ABCD2: variants seen among roughly 807,000 people sequenced by gnomAD.
The protein encoded by ABCD2 is ATP-binding cassette sub-family D member 2.
Under a neutral mutation model 70.9 loss-of-function variants are expected in ABCD2, and 36 were observed. The ratio of observed to expected loss-of-function variants is 0.51; its 90% CI spans 0.39 to 0.67. The LOEUF is 0.67. Among genes scored for constraint, ABCD2 ranks in the 30% least tolerant of loss-of-function variants. The pLI is 0.00. For synonymous variants in ABCD2, 304 were observed against 306.9 expected (o/e 0.99, Z 0.10); for missense variants, 729 against 890.2 (o/e 0.82, Z 2.30).
At chr12:39,582,026 G>C (rs1413749993) in intron 7 of ABCD2, among the ~76,000 whole-genome samples, 1 of 152,128 alleles carries the variant, frequency 6.6e-6, no homozygotes, top group Non-Finnish European at 1.5e-5. Context: ...ACCAACCAAA[G>C]GATTAGCTAG....
At chr12:39,608,341 T>G (rs1941998577) in intron 2 of ABCD2, among the ~76,000 whole-genome samples, 1 of 152,184 alleles carries the variant, frequency 6.6e-6, no homozygotes. Context: ...TCATTTAGCA[T>G]TCTTTCAACC....
the ABCD2 span, among the ~76,000 whole-genome samples, chr12:39,537,563 T>G: frequency 1.3e-5 from 2 of 152,212 alleles, no homozygotes; most frequent in Non-Finnish European, 2.9e-5. Flanking sequence ...AGCAATCTGG[T>G]CCTCCAGGGA....
intron 9 of ABCD2, among the ~76,000 whole-genome samples, chr12:39,560,104 G>A (rs1021670426): frequency 6.6e-6 from 1 of 152,110 alleles, no homozygotes; most frequent in African/African-American, 2.4e-5. Context: ...TTGGTGTGCT[G>A]CACCCATTAA....
At chr12:39,618,256 A>G (rs1942144406) in intron 1 of ABCD2, among the ~76,000 whole-genome samples, 1 of 152,188 alleles carries the variant, frequency 6.6e-6, no homozygotes, top group Non-Finnish European at 1.5e-5. Context: ...CAAAGGAACA[A>G]CAAAGAATAT....
chr12:39,588,481 C>G (rs1941697152), intron 6 of ABCD2, among the ~76,000 whole-genome samples: 1 of 152,162 alleles, frequency 6.6e-6, no homozygotes, highest in Non-Finnish European at 1.5e-5. Flanking sequence ...ATGGGAGTTA[C>G]TGCCGCCACA....
chr12:39,548,707 T>A (rs1591959233), downstream of ABCD2, among the ~76,000 whole-genome samples: 2 of 151,686 alleles, frequency 1.3e-5, no homozygotes, highest in East Asian at 3.9e-4. Context: ...ATATACTTCA[T>A]ATATAAGGTT....
intron 9 of ABCD2, among the ~76,000 whole-genome samples, chr12:39,573,278 C>T (rs1279902580): frequency 6.6e-6 from 1 of 151,596 alleles, no homozygotes; most frequent in Non-Finnish European, 1.5e-5. Context: ...AAAAATAAGC[C>T]CTCCCCCCTT....
intron 6 of ABCD2, among the ~76,000 whole-genome samples, chr12:39,587,825 G>A (rs1315348355): frequency 6.6e-6 from 1 of 152,220 alleles, no homozygotes; most frequent in Admixed American, 6.5e-5. Flanking sequence ...TGAACAGTAT[G>A]TCCAAAGGAT....
rs1368662605 is a variant in ABCD2 at position 39,551,787 on chromosome 12, T to C, written c.*2125A>G. On this transcript the variant is annotated 3_prime_UTR_variant, in exon 10 of 10. Coordinates refer to ENST00000308666, the MANE Select transcript of ABCD2 (RefSeq NM_005164.4). ...CTAATTACAAATCTAATATTTGTTT[T>C]GGCATTCTTTTCAATGTTTCAAAAC... 1.3e-5 allele frequency: 2 copies of C among 151,852 alleles called. No homozygotes were observed. Among genetic ancestry groups the C allele is most frequent in the Non-Finnish European group, 3.0e-5 (2 of 67,744 alleles). 9.4% of individuals were successfully genotyped at this position (151,852 alleles called of 1,614,324 possible). A position where few individuals can be genotyped will look rare whatever the true frequency, so the allele number is the denominator to read the frequency against.
At chr12:39,584,192 T>A (rs1941634972) in intron 7 of ABCD2, among the ~76,000 whole-genome samples, 1 of 152,200 alleles carries the variant, frequency 6.6e-6, no homozygotes, top group Non-Finnish European at 1.5e-5. Flanking sequence ...ATTTTTTGAC[T>A]TTTTATTAAT....
chr12:39,601,696 G>A (rs11172763), intron 5 of ABCD2, among the ~76,000 whole-genome samples: 1 of 151,988 alleles, frequency 6.6e-6, no homozygotes, highest in Non-Finnish European at 1.5e-5. Context: ...GCTTTGTATA[G>A]AAAGGATACC....
the ABCD2 span, among the ~76,000 whole-genome samples, chr12:39,536,766 A>C: frequency 6.6e-6 from 1 of 152,172 alleles, no homozygotes; most frequent in African/African-American, 2.4e-5. Context: ...TTCATTTTAT[A>C]CCCCTGTGTT....
intron 6 of ABCD2, among the ~76,000 whole-genome samples, chr12:39,599,432 G>GA (rs1246552937): frequency 2.6e-5 from 4 of 152,182 alleles, no homozygotes; most frequent in African/African-American, 9.7e-5. Flanking sequence ...TTCAGAATCA[G>GA]AATGTTTCCC....
At chr12:39,614,541 T>G (rs921100431) in intron 2 of ABCD2, among the ~76,000 whole-genome samples, 6 of 151,040 alleles carry the variant, frequency 4.0e-5, no homozygotes, top group Non-Finnish European at 7.4e-5. Context: ...CTGACTCACC[T>G]ATTTTTCTAC....
intron 6 of ABCD2, among the ~76,000 whole-genome samples, chr12:39,594,654 A>G (rs1216971786): frequency 6.6e-6 from 1 of 152,220 alleles, no homozygotes; most frequent in Admixed American, 6.5e-5. Context: ...TCATGTCTTA[A>G]GCTCTTCTTC....
intron 9 of ABCD2, among the ~76,000 whole-genome samples, chr12:39,562,026 TAAAC>T (rs753024330): frequency 6.6e-5 from 10 of 152,022 alleles, no homozygotes; most frequent in Non-Finnish European, 1.5e-4. Flanking sequence ...TAGAAATCAA[TAAAC>T]AGGAAGAACT....
intron 6 of ABCD2, among the ~76,000 whole-genome samples, chr12:39,597,180 T>C (rs1941828352): frequency 6.6e-6 from 1 of 152,180 alleles, no homozygotes; most frequent in East Asian, 1.9e-4. Context: ...GAGCAAAATA[T>C]ATTTTGTCAG....
the ABCD2 span, among the ~76,000 whole-genome samples, chr12:39,531,269 T>C: frequency 6.6e-6 from 1 of 152,174 alleles, no homozygotes; most frequent in South Asian, 2.1e-4. Context: ...ATGGTTTGAA[T>C]GTTCATGTTC....
chr12:39,604,963 A>C (rs1941950357), intron 3 of ABCD2, 33 bp from the exon 4 acceptor site: 1 of 1,499,608 alleles, frequency 6.7e-7, no homozygotes, highest in Admixed American at 2.3e-5. Context: ...AAATAGAGTT[A>C]CTATATCCAA....
Sources: allele counts gnomAD v4.1 joint callset (sites outside exome capture counted in the v4.1 genomes callset), GRCh38; gene constraint gnomAD v4.1.1; transcripts MANE v1.5; gene names NCBI Gene and HGNC (gene_info 2026-07-23, HGNC 2026-07-21).